The following ROBO1 variants were observed in gnomAD, a reference collection of about 807,000 sequenced individuals.
ROBO1 encodes the protein roundabout homolog 1.
A neutral mutation model predicts 195.9 loss-of-function variants in ROBO1; 149 were observed. The observed-to-expected ratio is 0.76, with a 90% CI of 0.67 to 0.87. The LOEUF is 0.87. ROBO1 is among the 40% of genes least tolerant of loss of function. The pLI is 0.00. For synonymous variants in ROBO1, 816 were observed against 733.2 expected (o/e 1.11, Z -1.82); for missense variants, 1,933 against 2,068.3 (o/e 0.93, Z 1.27).
intron 3 of ROBO1, among the ~76,000 whole-genome samples, chr3:78,946,506 A>T (rs2040454035): frequency 6.6e-6 from 1 of 152,244 alleles, no homozygotes; most frequent in Non-Finnish European, 1.5e-5. Context: ...CTGCCCTAAA[A>T]GAGCTCCTGA....
intron 2 of ROBO1, among the ~76,000 whole-genome samples, chr3:79,209,491 T>C (rs866853305): frequency 2.6e-5 from 4 of 152,150 alleles, no homozygotes; most frequent in Middle Eastern, 3.2e-3. Context: ...TATTATATAA[T>C]GACTTCTTTT....
At chr3:79,283,856 C>A (rs1053405158) in intron 2 of ROBO1, among the ~76,000 whole-genome samples, 41 of 151,812 alleles carry the variant, frequency 2.7e-4, no homozygotes, top group African/African-American at 9.9e-4. Flanking sequence ...CGCTACCACG[C>A]CCGGCTAATT....
intron 22 of ROBO1, among the ~76,000 whole-genome samples, chr3:78,637,818 T>C (rs1339515239): frequency 2.0e-5 from 3 of 152,168 alleles, no homozygotes; most frequent in Non-Finnish European, 4.4e-5. Flanking sequence ...AGGGCAGACA[T>C]GCAGACTGCT....
At chr3:79,062,346 C>T (rs866870841) in intron 3 of ROBO1, among the ~76,000 whole-genome samples, 2 of 152,044 alleles carry the variant, frequency 1.3e-5, no homozygotes, top group African/African-American at 4.8e-5. Context: ...AGTCAGGAAA[C>T]AACAAATGAT....
At chr3:79,359,568 T>C (rs1192295066) in intron 2 of ROBO1, among the ~76,000 whole-genome samples, 1 of 152,022 alleles carries the variant, frequency 6.6e-6, no homozygotes, top group African/African-American at 2.4e-5. Context: ...ATGATCAAGT[T>C]GTCATGATAG....
chr3:79,389,534 T>C, intron 2 of ROBO1, among the ~76,000 whole-genome samples: 1 of 152,068 alleles, frequency 6.6e-6, no homozygotes, highest in East Asian at 1.9e-4. Context: ...AAATAACTAA[T>C]CTGATTTGTA....
intron 2 of ROBO1, among the ~76,000 whole-genome samples, chr3:79,556,345 G>T (rs990230717): frequency 6.6e-6 from 1 of 152,008 alleles, no homozygotes; most frequent in Admixed American, 6.6e-5. Context: ...TTGTTTGAAA[G>T]TATATAAATA....
intron 26 of ROBO1, among the ~76,000 whole-genome samples, chr3:78,618,775 A>T: frequency 6.6e-6 from 1 of 152,214 alleles, no homozygotes; most frequent in South Asian, 2.1e-4. Flanking sequence ...TTAATTTAAG[A>T]ACCAGAGTTG....
At chr3:79,104,222 G>A (rs2079732871) in intron 3 of ROBO1, among the ~76,000 whole-genome samples, 3 of 151,698 alleles carry the variant, frequency 2.0e-5, no homozygotes, top group South Asian at 2.1e-4. Flanking sequence ...AGTCATGAAC[G>A]CTTTCATAGT....
At chr3:79,050,494 C>T (rs1237491894) in intron 3 of ROBO1, among the ~76,000 whole-genome samples, 2 of 152,094 alleles carry the variant, frequency 1.3e-5, no homozygotes, top group Non-Finnish European at 2.9e-5. Context: ...ATCAATGAGA[C>T]AGAAGGTTCA....
At chr3:79,519,466 T>A (rs967771562) in intron 2 of ROBO1, among the ~76,000 whole-genome samples, 1 of 150,958 alleles carries the variant, frequency 6.6e-6, no homozygotes, top group African/African-American at 2.4e-5. Flanking sequence ...CCATCTCTAC[T>A]AAAATACAAA....
intron 2 of ROBO1, among the ~76,000 whole-genome samples, chr3:79,201,205 T>C (rs1559731293): frequency 6.6e-6 from 1 of 152,020 alleles, no homozygotes; most frequent in Admixed American, 6.6e-5. Context: ...TAAAATGCTT[T>C]ACTAATTTTT....
At chr3:79,582,664 T>G (rs1356161708) in intron 2 of ROBO1, among the ~76,000 whole-genome samples, 2 of 152,070 alleles carry the variant, frequency 1.3e-5, no homozygotes, top group Non-Finnish European at 1.5e-5. Context: ...TACTCTCATT[T>G]AAACTCTCTC....
At chr3:79,725,337 C>A (rs1702874349) in intron 1 of ROBO1, among the ~76,000 whole-genome samples, 1 of 149,796 alleles carries the variant, frequency 6.7e-6, no homozygotes, top group Non-Finnish European at 1.5e-5. Context: ...CGCCATTCTC[C>A]TGCCTCAGCC....
intron 3 of ROBO1, among the ~76,000 whole-genome samples, chr3:78,955,980 A>G (rs1007280743): frequency 2.6e-5 from 4 of 152,062 alleles, no homozygotes; most frequent in African/African-American, 4.8e-5. Context: ...CTTTCTCATT[A>G]TATCTTGGCT....
At chr3:79,472,927 G>A (rs1938359123) in intron 2 of ROBO1, among the ~76,000 whole-genome samples, 1 of 152,130 alleles carries the variant, frequency 6.6e-6, no homozygotes, top group Non-Finnish European at 1.5e-5. Flanking sequence ...AGAGCTAAAG[G>A]AAAATTAGAT....
At chr3:78,799,601 A>G (rs1209597405) in intron 4 of ROBO1, among the ~76,000 whole-genome samples, 1 of 152,024 alleles carries the variant, frequency 6.6e-6, no homozygotes, top group Non-Finnish European at 1.5e-5. Flanking sequence ...TTGGCCTCCC[A>G]AAGTGCTGGG....
At chr3:79,024,754 A>G (rs1293562147) in intron 3 of ROBO1, among the ~76,000 whole-genome samples, 2 of 152,190 alleles carry the variant, frequency 1.3e-5, no homozygotes, top group Non-Finnish European at 1.5e-5. Flanking sequence ...TCTAATACCC[A>G]ATACCTTACA....
At chr3:79,233,045 T>C (rs903318248) in intron 2 of ROBO1, among the ~76,000 whole-genome samples, 1 of 151,980 alleles carries the variant, frequency 6.6e-6, no homozygotes, top group Non-Finnish European at 1.5e-5. Flanking sequence ...TTTAATAAAA[T>C]AGCCCCTAAA....
Sources: allele counts gnomAD v4.1 joint callset (sites outside exome capture counted in the v4.1 genomes callset), GRCh38; gene constraint gnomAD v4.1.1; transcripts MANE v1.5; gene names NCBI Gene and HGNC (gene_info 2026-07-23, HGNC 2026-07-21).